The following CDYL2 variants were observed in gnomAD, a reference collection of about 807,000 sequenced individuals.
CDYL2 encodes the protein chromodomain Y-like protein 2.
CDYL2 carries 23 observed loss-of-function variants against 49.4 expected under a neutral mutation model. The observed-to-expected ratio is 0.47, with a 90% confidence interval of 0.34 to 0.66. The LOEUF (loss-of-function observed/expected upper bound fraction) is 0.66, where lower values mean the gene tolerates loss of function less well. Among genes scored for constraint, CDYL2 ranks in the 30% least tolerant of loss-of-function variants. CDYL2 has a pLI of 0.01. For missense variants in CDYL2, 678 were observed against 656.4 expected, an observed-to-expected ratio of 1.03 and a Z score of -0.36; for synonymous variants, 360 against 268.8, an observed-to-expected ratio of 1.34 and a Z score of -3.32.
chr16:80,635,856 C>G (rs562627904), intron 2 of CDYL2, among the ~76,000 whole-genome samples: 15 of 152,138 alleles, frequency 9.9e-5, no homozygotes, highest in African/African-American at 3.6e-4. Context: ...GTACTGGTAC[C>G]AAAACAGACA....
intron 1 of CDYL2, among the ~76,000 whole-genome samples, chr16:80,755,998 G>C (rs1906297798): frequency 6.6e-6 from 1 of 151,970 alleles, no homozygotes; most frequent in South Asian, 2.1e-4. Context: ...TAAAGAAATG[G>C]AATTACAAAT....
chr16:80,676,902 T>C (rs1446752419), intron 2 of CDYL2, among the ~76,000 whole-genome samples: 1 of 151,904 alleles, frequency 6.6e-6, no homozygotes, highest in Non-Finnish European at 1.5e-5. Flanking sequence ...CAAAACCCTC[T>C]GGGCCTTGTG....
chr16:80,714,330 T>G (rs1056317280), intron 1 of CDYL2, among the ~76,000 whole-genome samples: 1 of 151,992 alleles, frequency 6.6e-6, no homozygotes, highest in Non-Finnish European at 1.5e-5. Flanking sequence ...AGAGAAGATT[T>G]TGAATGTTCC....
intron 1 of CDYL2, among the ~76,000 whole-genome samples, chr16:80,692,670 T>A (rs751035246): frequency 1.3e-5 from 2 of 152,226 alleles, no homozygotes; most frequent in Admixed American, 1.3e-4. Context: ...ATTACTTGCA[T>A]ATATAATGTG....
intron 1 of CDYL2, among the ~76,000 whole-genome samples, chr16:80,696,483 T>C (rs1035027911): frequency 1.3e-5 from 2 of 151,424 alleles, no homozygotes; most frequent in Admixed American, 6.6e-5. Flanking sequence ...AAGTAAAAAA[T>C]AGAGAAGACA....
chr16:80,657,273 C>T (rs1029097167), intron 2 of CDYL2, among the ~76,000 whole-genome samples: 1 of 152,054 alleles, frequency 6.6e-6, no homozygotes, highest in Non-Finnish European at 1.5e-5. Flanking sequence ...TTAAAATAAA[C>T]AAGAAATGTT....
At chr16:80,794,426 G>C (rs1412174454) in intron 1 of CDYL2, among the ~76,000 whole-genome samples, 1 of 152,034 alleles carries the variant, frequency 6.6e-6, no homozygotes, top group Non-Finnish European at 1.5e-5. Flanking sequence ...TTTACCAGAA[G>C]TTCCAATATA....
rs528353340 is a variant in CDYL2, at chr16:80,727,028, G to A, written c.25-41899C>T. On this transcript the variant is annotated intron_variant, in intron 1 of 6. Transcript: ENST00000570137. ...TGGAGCCCAGGTGGTAGAGGCTGCA[G>A]TGAGCCATGACTGTGCCTGGGCAAG... 5.3e-5 allele frequency among the ~76,000 whole-genome samples: 8 copies of A among 152,350 alleles called. No homozygotes were observed. The East Asian group carries it at 1.5e-3, about 29-fold the overall frequency.
At chr16:80,712,250 T>A (rs538522785) in intron 1 of CDYL2, among the ~76,000 whole-genome samples, 56 of 139,478 alleles carry the variant, frequency 4.0e-4, no homozygotes, top group African/African-American at 1.4e-3. Flanking sequence ...TTTAACTGAA[T>A]GCAATTAAAT....
chr16:80,649,116 C>T (rs974746759), intron 2 of CDYL2, among the ~76,000 whole-genome samples: 2 of 152,112 alleles, frequency 1.3e-5, no homozygotes, highest in African/African-American at 4.8e-5. Context: ...CATTATTCAA[C>T]ATAGTACTGA....
intron 2 of CDYL2, among the ~76,000 whole-genome samples, chr16:80,657,044 C>T (rs1209346730): frequency 1.3e-5 from 2 of 152,080 alleles, no homozygotes; most frequent in Non-Finnish European, 2.9e-5. Flanking sequence ...AGAGAAGGAA[C>T]GAGAAACGAA....
rs866535733 is a variant in CDYL2, at chr16:80,717,273, T to C, written c.25-32144A>G. ...GCCCAGCAGCTTCACCTTCAGGAGC[T>C]ACCCAGAGTCCTAGACTGCCTTGTA... On this transcript the variant is annotated intron_variant, in intron 1 of 6. Transcript: ENST00000570137. 2.0e-5 allele frequency among the ~76,000 whole-genome samples: 3 copies of C among 152,240 alleles called. No homozygotes were observed. In the South Asian group the frequency reaches 6.2e-4, roughly 32 times the overall value.
At chr16:80,773,476 A>G (rs1906975263) in intron 1 of CDYL2, among the ~76,000 whole-genome samples, 1 of 152,180 alleles carries the variant, frequency 6.6e-6, no homozygotes, top group Non-Finnish European at 1.5e-5. Flanking sequence ...AATATAAAAT[A>G]TATAATCTTG....
At chr16:80,739,255 G>A (rs559381761) in intron 1 of CDYL2, among the ~76,000 whole-genome samples, 3 of 152,284 alleles carry the variant, frequency 2.0e-5, no homozygotes, top group South Asian at 2.1e-4. Flanking sequence ...GGGAGAAGGG[G>A]AGAATGTGGG....
chr16:80,624,453 G>A (rs1392419577), intron 3 of CDYL2, among the ~76,000 whole-genome samples: 1 of 152,216 alleles, frequency 6.6e-6, no homozygotes, highest in African/African-American at 2.4e-5. Context: ...ATTGGACACA[G>A]GCTAGTAATA....
chr16:80,688,875 C>G (rs1215901808), intron 1 of CDYL2, among the ~76,000 whole-genome samples: 2 of 152,150 alleles, frequency 1.3e-5, no homozygotes, highest in Non-Finnish European at 2.9e-5. Flanking sequence ...ACTTCCTGCA[C>G]TGTCTCATAA....
intron 2 of CDYL2, among the ~76,000 whole-genome samples, chr16:80,665,566 A>G (rs564870708): frequency 6.6e-6 from 1 of 151,946 alleles, no homozygotes; most frequent in African/African-American, 2.4e-5. Context: ...ACCTAATAAT[A>G]TGAGGAGTTA....
At chr16:80,751,741 C>T (rs1423068078) in intron 1 of CDYL2, among the ~76,000 whole-genome samples, 1 of 152,180 alleles carries the variant, frequency 6.6e-6, no homozygotes, top group Non-Finnish European at 1.5e-5. Context: ...TTTTGGAACT[C>T]AGGACCTGCC....
At chr16:80,735,780 C>T (rs147310157) in intron 1 of CDYL2, among the ~76,000 whole-genome samples, 32 of 152,340 alleles carry the variant, frequency 2.1e-4, no homozygotes, top group Middle Eastern at 3.4e-3. Flanking sequence ...CCACCCCTTC[C>T]ATTTGCATTG....
Sources: gnomAD v4.1 joint callset for allele counts (sites outside exome capture counted in the v4.1 genomes callset) on GRCh38, gnomAD v4.1.1 for gene constraint, MANE v1.5 for transcripts, NCBI Gene and HGNC (gene_info 2026-07-23, HGNC 2026-07-21) for gene names.